The following DLGAP1 variants were observed in gnomAD, a reference collection of about 807,000 sequenced individuals.
DLGAP1 encodes the protein disks large-associated protein 1.
In DLGAP1, 11 loss-of-function variants were observed where a neutral mutation model predicts 90.8. The observed-to-expected ratio is 0.12, with a 90% CI of 0.08 to 0.20. DLGAP1 has a LOEUF of 0.20. Ranked by LOEUF, DLGAP1 falls within the 10% of genes least tolerant of loss-of-function variation. The pLI, the probability that DLGAP1 is intolerant of heterozygous loss-of-function variation, is 1.00. For synonymous variants in DLGAP1, 558 were observed against 540.7 expected (o/e 1.03, Z -0.44); for missense variants, 1,050 against 1,333.8 (o/e 0.79, Z 3.31).
At chr18:3,527,410 CT>C (rs3075071) in intron 10 of DLGAP1, among the ~76,000 whole-genome samples, 14,172 of 98,276 alleles carry the variant, frequency 0.14, 437 homozygotes, top group Non-Finnish European at 0.17. Context: ...ATTTTCCAAA[CT>C]TTTTTTTTTT....
At position 3,962,155 on chromosome 18, in the gene DLGAP1, G is replaced by C. The variant is rs139622968; in HGVS notation, c.-73+42961C>G. Reference sequence around the variant, plus strand: ...ACAATCAGGCAGTTACGTCTCAGTGGTAAGAATTTTTGTTTGCTACCACTT... The same window carrying C: ...ACAATCAGGCAGTTACGTCTCAGTGCTAAGAATTTTTGTTTGCTACCACTT... On this transcript the variant is annotated intron_variant, in intron 3 of 12. Coordinates refer to ENST00000315677, the MANE Select transcript of DLGAP1 (RefSeq NM_004746.4). Among the ~76,000 whole-genome samples the C allele has an allele frequency of 1.2e-4, 18 of 152,290 alleles. No individual in the cohort carries two copies. In the East Asian group the frequency reaches 3.5e-3, roughly 29 times the overall value.
chr18:4,066,133 T>C (rs1347399478), intron 2 of DLGAP1, among the ~76,000 whole-genome samples: 1 of 152,146 alleles, frequency 6.6e-6, no homozygotes, highest in Admixed American at 6.6e-5. Context: ...ACTGAACCTC[T>C]TCCTTACACT....
chr18:4,201,202 C>T (rs962575371), intron 1 of DLGAP1, among the ~76,000 whole-genome samples: 2 of 152,024 alleles, frequency 1.3e-5, no homozygotes, highest in Non-Finnish European at 2.9e-5. Context: ...TTGGGATTTA[C>T]TCACAAATTC....
chr18:3,999,292 T>C (rs188029104), intron 3 of DLGAP1, among the ~76,000 whole-genome samples: 83 of 152,238 alleles, frequency 5.5e-4, no homozygotes, highest in African/African-American at 1.9e-3. Context: ...ATACATATTA[T>C]TATTAAAAGT....
At chr18:4,402,045 G>A (rs1191820491) in intron 1 of DLGAP1, among the ~76,000 whole-genome samples, 1 of 152,198 alleles carries the variant, frequency 6.6e-6, no homozygotes, top group Non-Finnish European at 1.5e-5. Context: ...TAAAGTGCCA[G>A]GGTTCCTTGA....
chr18:4,163,651 A>T (rs2076884542), intron 1 of DLGAP1, among the ~76,000 whole-genome samples: 1 of 152,230 alleles, frequency 6.6e-6, no homozygotes, highest in African/African-American at 2.4e-5. Flanking sequence ...TATAATAATT[A>T]GCTAAGACAG....
chr18:4,351,254 G>C (rs1233279261), intron 1 of DLGAP1, among the ~76,000 whole-genome samples: 1 of 152,138 alleles, frequency 6.6e-6, no homozygotes, highest in Non-Finnish European at 1.5e-5. Context: ...CTAGTGGTTG[G>C]CAACTCACAC....
At chr18:3,936,062 C>G (rs4798149) in intron 3 of DLGAP1, among the ~76,000 whole-genome samples, 95,752 of 151,454 alleles carry the variant, frequency 0.63, 30,461 homozygotes, top group Non-Finnish European at 0.68. Context: ...GCTGGGGTCA[C>G]ATTGCCATCT....
chr18:3,524,278 TAAAAAAAA>T (rs900853242), intron 10 of DLGAP1, among the ~76,000 whole-genome samples: 2 of 145,840 alleles, frequency 1.4e-5, no homozygotes, highest in Non-Finnish European at 3.0e-5. Flanking sequence ...TTGTTTCAAT[TAAAAAAAA>T]AAGAAAGAAA....
intron 1 of DLGAP1, among the ~76,000 whole-genome samples, chr18:4,367,333 C>G: frequency 6.6e-6 from 1 of 151,900 alleles, no homozygotes; most frequent in Non-Finnish European, 1.5e-5. Flanking sequence ...TGATTCATTA[C>G]TTTTAGGGTT....
intron 7 of DLGAP1, among the ~76,000 whole-genome samples, chr18:3,658,572 T>A (rs908895496): frequency 1.4e-4 from 22 of 152,212 alleles, no homozygotes; most frequent in Admixed American, 1.4e-3. Context: ...ATTGCAAAAA[T>A]AAACTATACA....
intron 5 of DLGAP1, among the ~76,000 whole-genome samples, chr18:3,791,784 C>T (rs80232197): frequency 0.016 from 2,371 of 152,240 alleles, 23 homozygotes; most frequent in Middle Eastern, 0.031. Flanking sequence ...TGGTGGTACA[C>T]GCCTGTGGTC....
intron 3 of DLGAP1, among the ~76,000 whole-genome samples, chr18:3,898,053 C>T (rs1457498317): frequency 6.6e-6 from 1 of 152,146 alleles, no homozygotes; most frequent in Non-Finnish European, 1.5e-5. Context: ...CTTGGCCTCC[C>T]AAAGTGCTGG....
intron 7 of DLGAP1, among the ~76,000 whole-genome samples, chr18:3,595,064 T>C (rs2056500014): frequency 6.6e-6 from 1 of 152,194 alleles, no homozygotes. Context: ...AACGGCGGTA[T>C]TTGTAACTTG....
intron 2 of DLGAP1, among the ~76,000 whole-genome samples, chr18:4,088,953 G>A (rs760140224): frequency 4.6e-5 from 7 of 152,318 alleles, no homozygotes; most frequent in East Asian, 1.9e-4. Context: ...TTTGGCCAGC[G>A]CAAGCAGGCA....
intron 8 of DLGAP1, among the ~76,000 whole-genome samples, chr18:3,574,515 C>T (rs1004763064): frequency 5.9e-5 from 9 of 152,014 alleles, no homozygotes; most frequent in African/African-American, 1.9e-4. Context: ...ATCTGTTTAG[C>T]GTTAATTTCT....
At position 3,752,084 on chromosome 18, in the gene DLGAP1, A is replaced by G. The variant is rs544265378; in HGVS notation, c.1173-9572T>C. The stretch of plus-strand genomic sequence containing the variant: ...TTTTTAGTGGAGACAGGGTTTCATC[A>G]TGTTGGCCAGGCTGGTCTCGAACTC... On this transcript the variant is annotated intron_variant, in intron 5 of 12. Coordinates refer to ENST00000315677, the MANE Select transcript of DLGAP1 (RefSeq NM_004746.4). 4.0e-5 allele frequency among the ~76,000 whole-genome samples: 6 copies of G among 149,940 alleles called. No homozygotes were observed. In the South Asian group the frequency reaches 1.3e-3, roughly 32 times the overall value.
rs540343377 is a variant in DLGAP1 at position 4,106,755 on chromosome 18, CA to C, written c.-159+44424del. On this transcript the variant is annotated intron_variant, in intron 2 of 12. Coordinates refer to ENST00000315677, the MANE Select transcript of DLGAP1 (RefSeq NM_004746.4). The stretch of plus-strand genomic sequence containing the variant: ...AATAGCATTTTTGAAGGAGGACTTT[CA>C]CCAAAGCTTTTAATATCAGAATAAT... 3.5e-4 allele frequency among the ~76,000 whole-genome samples: 53 copies of C among 152,312 alleles called. No individual in the cohort carries two copies. The East Asian group carries it at 9.8e-3, about 28-fold the overall frequency.
chr18:3,572,246 C>A (rs1339627193), intron 8 of DLGAP1, among the ~76,000 whole-genome samples: 1 of 151,838 alleles, frequency 6.6e-6, no homozygotes, highest in Admixed American at 6.6e-5. Context: ...ATATTATCTA[C>A]GAATAAAAGC....
Sources: allele counts gnomAD v4.1 joint callset (sites outside exome capture counted in the v4.1 genomes callset), GRCh38; gene constraint gnomAD v4.1.1; transcripts MANE v1.5; gene names NCBI Gene and HGNC (gene_info 2026-07-23, HGNC 2026-07-21).